Variants in PPP2R5E observed in about 807,000 individuals in gnomAD.
The protein encoded by PPP2R5E is protein phosphatase 2 regulatory subunit B'epsilon.
A neutral mutation model predicts 65.3 loss-of-function variants in PPP2R5E; 4 were observed. That is an observed-to-expected ratio of 0.06 (90% CI 0.03 to 0.14). The LOEUF (loss-of-function observed/expected upper bound fraction) is 0.14, where lower values mean the gene tolerates loss of function less well. PPP2R5E is among the 10% of genes least tolerant of loss of function. The probability of loss-of-function intolerance (pLI) is 1.00; values close to 1 mark genes in which losing one functional copy is unlikely to be tolerated. For synonymous variants in PPP2R5E, 183 were observed against 187.4 expected, an observed-to-expected ratio of 0.98 and a Z score of 0.19; for missense variants, 274 against 556.1, an observed-to-expected ratio of 0.49 and a Z score of 5.10.
At chr14:63,401,878 C>A (rs1397488204) in intron 5 of PPP2R5E, among the ~76,000 whole-genome samples, 1 of 151,996 alleles carries the variant, frequency 6.6e-6, no homozygotes, top group Non-Finnish European at 1.5e-5. Context: ...CACCACGGAA[C>A]CCTTACAAGG....
chr14:63,529,676 C>T (rs2139753102), intron 2 of PPP2R5E, among the ~76,000 whole-genome samples: 1 of 152,224 alleles, frequency 6.6e-6, no homozygotes, highest in Admixed American at 6.5e-5. Context: ...TGTGCCCAGC[C>T]GAAAGACTGT....
At chr14:63,427,874 A>G (rs1451064695) in intron 3 of PPP2R5E, among the ~76,000 whole-genome samples, 1 of 152,154 alleles carries the variant, frequency 6.6e-6, no homozygotes, top group African/African-American at 2.4e-5. Flanking sequence ...GTAACAAATT[A>G]CCATGAAACA....
chr14:63,381,057 A>AG lies in PPP2R5E; in HGVS notation c.1304+998_1304+999insC, dbSNP rs1411264546. ...TGATATACAAAGCTGACATCTGCTTATGGATGATCAAAGCCAAACCACAGG... is the reference window on the plus strand; with the variant it reads ...TGATATACAAAGCTGACATCTGCTTAGTGGATGATCAAAGCCAAACCACAGG... On this transcript the variant is annotated intron_variant, in intron 13 of 13. Coordinates refer to ENST00000337537, the MANE Select transcript of PPP2R5E (RefSeq NM_006246.5). Among the ~76,000 whole-genome samples, 4 of 152,206 alleles carry AG rather than the reference A, an allele frequency of 2.6e-5. No individual in the cohort carries two copies. In the East Asian group the frequency reaches 7.7e-4, roughly 29 times the overall value.
At chr14:63,517,461 C>T (rs1329850441) in intron 2 of PPP2R5E, among the ~76,000 whole-genome samples, 1 of 151,998 alleles carries the variant, frequency 6.6e-6, no homozygotes, top group Non-Finnish European at 1.5e-5. Flanking sequence ...CATTTAAGCA[C>T]TATCAAAAAC....
Position 63,391,800 on chromosome 14 carries a change from T to G in PPP2R5E, c.954+17A>C. ...TATTCAGTAAGCTATGAACACTCTC[T>G]GACAGTAAGCACTTACCTCTTTTTG... On this transcript the variant is annotated intron_variant, in intron 10 of 13. Coordinates refer to ENST00000337537, the MANE Select transcript of PPP2R5E (RefSeq NM_006246.5). 1.9e-6 allele frequency: 3 copies of G among 1,610,024 alleles called. No homozygotes were observed. Among genetic ancestry groups the G allele is most frequent in the Non-Finnish European group, 2.6e-6 (3 of 1,176,290 alleles).
chr14:63,538,144 G>T (rs1188764636), intron 2 of PPP2R5E, among the ~76,000 whole-genome samples: 1 of 152,082 alleles, frequency 6.6e-6, no homozygotes, highest in Non-Finnish European at 1.5e-5. Flanking sequence ...TTAGCTGGGC[G>T]TGATGGCATG....
intron 5 of PPP2R5E, among the ~76,000 whole-genome samples, chr14:63,410,193 T>G (rs754065566): frequency 3.9e-5 from 6 of 152,176 alleles, no homozygotes; most frequent in African/African-American, 9.7e-5. Flanking sequence ...AAGCTGAGAT[T>G]ACCAAGATTC....
rs113888264 is a variant in PPP2R5E at position 63,444,951 on chromosome 14, C to T, written c.354+8738G>A. Among the ~76,000 whole-genome samples the T allele has an allele frequency of 4.8e-3, 736 of 152,282 alleles. 4 individuals are homozygous for T. Among genetic ancestry groups the T allele is most frequent in the Non-Finnish European group, 6.7e-3 (457 of 68,028 alleles). ...TGAAGGAACTACTTTGCACAATGGC[C>T]TGTAAACTTTAAGAAAGGCATAATC... is the stretch of plus-strand genomic sequence containing the variant. On this transcript the variant is annotated intron_variant, in intron 3 of 13. Transcript: ENST00000337537.
chr14:63,493,500 G>A (rs1297860983), intron 2 of PPP2R5E, among the ~76,000 whole-genome samples: 1 of 149,958 alleles, frequency 6.7e-6, no homozygotes, highest in East Asian at 2.0e-4. Context: ...GTGTGCGTGT[G>A]TGTGGTGGGG....
intron 2 of PPP2R5E, among the ~76,000 whole-genome samples, chr14:63,456,111 T>C (rs1232732952): frequency 6.6e-6 from 1 of 152,190 alleles, no homozygotes; most frequent in Non-Finnish European, 1.5e-5. Context: ...TCAAAATCTT[T>C]AGGGAAATTT....
chr14:63,444,743 C>T (rs2139444379), intron 3 of PPP2R5E, among the ~76,000 whole-genome samples: 1 of 152,020 alleles, frequency 6.6e-6, no homozygotes, highest in South Asian at 2.1e-4. Flanking sequence ...AACAACAAAA[C>T]CAAAAAGGCA....
At chr14:63,378,367 T>C (rs1223672427) in intron 13 of PPP2R5E, among the ~76,000 whole-genome samples, 2 of 152,310 alleles carry the variant, frequency 1.3e-5, no homozygotes, top group African/African-American at 4.8e-5. Flanking sequence ...GACGATGACC[T>C]TGAGCAGTGG....
chr14:63,392,881 T>A (rs1442255082), intron 8 of PPP2R5E, among the ~76,000 whole-genome samples: 1 of 152,166 alleles, frequency 6.6e-6, no homozygotes, highest in African/African-American at 2.4e-5. Flanking sequence ...ATCCAAAATT[T>A]AAAATACTAC....
chr14:63,519,877 G>A (rs1237490528), intron 2 of PPP2R5E, among the ~76,000 whole-genome samples: 2 of 151,388 alleles, frequency 1.3e-5, no homozygotes, highest in Non-Finnish European at 2.9e-5. Flanking sequence ...GATCAGGCTG[G>A]TCTCGAACTC....
At chr14:63,421,325 C>T (rs141629750) in intron 4 of PPP2R5E, among the ~76,000 whole-genome samples, 71 of 152,134 alleles carry the variant, frequency 4.7e-4, no homozygotes, top group African/African-American at 1.6e-3. Flanking sequence ...AAGGAAGGAA[C>T]GAGCTGGAAA....
chr14:63,495,283 C>G (rs1594939872), intron 2 of PPP2R5E, among the ~76,000 whole-genome samples: 1 of 148,958 alleles, frequency 6.7e-6, no homozygotes, highest in East Asian at 2.0e-4. Flanking sequence ...TAAAAATAAA[C>G]ATGTCTGGCC....
intron 2 of PPP2R5E, among the ~76,000 whole-genome samples, chr14:63,523,342 CTT>C (rs1392162414): frequency 3.3e-5 from 5 of 152,096 alleles, no homozygotes; most frequent in Non-Finnish European, 5.9e-5. Flanking sequence ...ACATGGGAGA[CTT>C]TTCATTTTGT....
At chr14:63,465,480 C>G (rs1349605187) in intron 2 of PPP2R5E, among the ~76,000 whole-genome samples, 1 of 131,642 alleles carries the variant, frequency 7.6e-6, no homozygotes, top group Non-Finnish European at 1.6e-5. Flanking sequence ...AAAACAACAA[C>G]TAACAAAAGA....
intron 2 of PPP2R5E, among the ~76,000 whole-genome samples, chr14:63,478,427 A>G (rs1042364498): frequency 2.0e-5 from 3 of 152,100 alleles, no homozygotes; most frequent in Non-Finnish European, 4.4e-5. Flanking sequence ...ACTACTTTAA[A>G]CCACATTTTC....
Sources: allele counts gnomAD v4.1 joint callset (sites outside exome capture counted in the v4.1 genomes callset), GRCh38; gene constraint gnomAD v4.1.1; transcripts MANE v1.5; gene names NCBI Gene and HGNC (gene_info 2026-07-23, HGNC 2026-07-21).